PTPRG: variants seen among roughly 807,000 people sequenced by gnomAD.
The protein encoded by PTPRG is protein tyrosine phosphatase receptor type G.
In PTPRG, 102 loss-of-function variants were observed where a neutral mutation model predicts 165.3. That is an observed-to-expected ratio of 0.62 (90% CI 0.53 to 0.73). The LOEUF (loss-of-function observed/expected upper bound fraction) is 0.73, where lower values mean the gene tolerates loss of function less well. Ranked by LOEUF, PTPRG falls within the 30% of genes least tolerant of loss-of-function variation. The pLI is 0.00. For missense variants in PTPRG, 1,866 were observed against 1,861.4 expected, an observed-to-expected ratio of 1.00 and a Z score of -0.05; for synonymous variants, 675 against 669.5, an observed-to-expected ratio of 1.01 and a Z score of -0.13.
chr3:62,150,464 T>C (rs1300195155), intron 6 of PTPRG, among the ~76,000 whole-genome samples: 4 of 152,214 alleles, frequency 2.6e-5, no homozygotes, highest in Admixed American at 6.5e-5. Flanking sequence ...TGGATCAGAA[T>C]CTGCATTTTA....
chr3:61,968,623 A>T (rs1045399168), intron 2 of PTPRG, among the ~76,000 whole-genome samples: 1 of 152,136 alleles, frequency 6.6e-6, no homozygotes, highest in East Asian at 1.9e-4. Flanking sequence ...CTTTTTATAG[A>T]TCTATTTGAT....
chr3:62,018,350 G>A (rs891077167), intron 4 of PTPRG, among the ~76,000 whole-genome samples: 2 of 152,168 alleles, frequency 1.3e-5, no homozygotes, highest in Non-Finnish European at 1.5e-5. Flanking sequence ...ATAAAAAGCC[G>A]TGCATCTTTA....
intron 5 of PTPRG, among the ~76,000 whole-genome samples, chr3:62,131,608 CAA>C (rs1240621217): frequency 6.6e-6 from 1 of 152,144 alleles, no homozygotes; most frequent in African/African-American, 2.4e-5. Flanking sequence ...TAAATACTAT[CAA>C]TGGGGGATGG....
At chr3:61,714,305 G>T (rs1343750529) in intron 1 of PTPRG, among the ~76,000 whole-genome samples, 2 of 152,104 alleles carry the variant, frequency 1.3e-5, no homozygotes, top group Non-Finnish European at 2.9e-5. Context: ...GAGGAATAAA[G>T]ACCAGCCTTC....
intron 4 of PTPRG, among the ~76,000 whole-genome samples, chr3:62,039,910 C>T (rs1700071542): frequency 6.6e-6 from 1 of 152,264 alleles, no homozygotes; most frequent in Non-Finnish European, 1.5e-5. Context: ...CTCCAAGTGA[C>T]TCTCTGTTAA....
chr3:61,829,878 G>A (rs866792702), intron 2 of PTPRG, among the ~76,000 whole-genome samples: 1 of 152,198 alleles, frequency 6.6e-6, no homozygotes, highest in South Asian at 2.1e-4. Context: ...TTTGGAGGAA[G>A]AGGTTGTCTT....
intron 2 of PTPRG, among the ~76,000 whole-genome samples, chr3:61,987,932 G>T (rs936559401): frequency 1.3e-5 from 2 of 152,062 alleles, no homozygotes; most frequent in Non-Finnish European, 2.9e-5. Flanking sequence ...TATGGCAAAT[G>T]CATACTATCC....
intron 6 of PTPRG, among the ~76,000 whole-genome samples, chr3:62,154,479 GC>G (rs1435677255): frequency 6.6e-6 from 1 of 152,178 alleles, no homozygotes; most frequent in Non-Finnish European, 1.5e-5. Context: ...TTTCCATCAT[GC>G]CTGCTTAATC....
At chr3:62,030,389 G>A (rs1014784988) in intron 4 of PTPRG, among the ~76,000 whole-genome samples, 1 of 152,086 alleles carries the variant, frequency 6.6e-6, no homozygotes. Flanking sequence ...AACTTTTAGA[G>A]GTAGGGAGGA....
At chr3:62,145,223 G>C (rs190922778) in intron 6 of PTPRG, among the ~76,000 whole-genome samples, 72 of 152,264 alleles carry the variant, frequency 4.7e-4, no homozygotes, top group African/African-American at 1.7e-3. Flanking sequence ...CCTCTTTGTG[G>C]CTCAGTTTTC....
chr3:62,126,261 G>T (rs954940004), intron 5 of PTPRG, among the ~76,000 whole-genome samples: 70 of 152,328 alleles, frequency 4.6e-4, no homozygotes, highest in African/African-American at 1.6e-3. Context: ...CAGGAGGCCA[G>T]AGAATGGTCA....
Position 61,607,286 on chromosome 3 carries a change from A to C in PTPRG, c.85+44914A>C, listed in dbSNP as rs565954491. ...ACAGAGCAGTCCCTGTTAGGTTTTC[A>C]TTTTGGTGTGAATCCTCTGTCTCCT... On this transcript the variant is annotated intron_variant, in intron 1 of 29. Coordinates refer to ENST00000474889, the MANE Select transcript of PTPRG (RefSeq NM_002841.4). 3.3e-4 allele frequency among the ~76,000 whole-genome samples: 51 copies of C among 152,292 alleles called. No individual in the cohort carries two copies. The South Asian group carries it at 0.011, about 32-fold the overall frequency.
intron 1 of PTPRG, among the ~76,000 whole-genome samples, chr3:61,592,962 A>G (rs1326932173): frequency 2.0e-5 from 3 of 152,048 alleles, no homozygotes; most frequent in African/African-American, 7.2e-5. Context: ...CAAAAACAAT[A>G]TAGGTGCTGA....
At chr3:61,818,204 G>A (rs2035845345) in intron 2 of PTPRG, among the ~76,000 whole-genome samples, 2 of 152,070 alleles carry the variant, frequency 1.3e-5, no homozygotes, top group African/African-American at 4.8e-5. Flanking sequence ...TCCAAAAAAA[G>A]GAAATACGGA....
At chr3:62,078,623 G>A (rs1236386683) in intron 5 of PTPRG, among the ~76,000 whole-genome samples, 1 of 152,044 alleles carries the variant, frequency 6.6e-6, no homozygotes, top group African/African-American at 2.4e-5. Flanking sequence ...GACATTACTT[G>A]CAAGTAAGTT....
intron 2 of PTPRG, among the ~76,000 whole-genome samples, chr3:61,905,811 T>G (rs922278663): frequency 3.9e-5 from 6 of 152,236 alleles, no homozygotes; most frequent in Non-Finnish European, 8.8e-5. Flanking sequence ...GGGCCAAAGC[T>G]TCTTCACCCT....
At position 62,293,058 on chromosome 3, in the gene PTPRG, C is replaced by A. The variant is rs1412786200; in HGVS notation, c.4192-103C>A. 2.1e-5 allele frequency: 21 copies of A among 990,408 alleles called. No individual in the cohort carries two copies. In the South Asian group the frequency reaches 4.5e-4, roughly 21 times the overall value. The allele number at this position is 990,408 out of a possible 1,614,324, so 61.4% of individuals were successfully genotyped here. On this transcript the variant is annotated intron_variant, in intron 29 of 29. Coordinates refer to ENST00000474889, the MANE Select transcript of PTPRG (RefSeq NM_002841.4). ...GATAACATTTATGCTATTGCTGTTT[C>A]TCTAGTGTGTTTTTCACAATTACCA...
At chr3:61,806,445 A>G (rs1427178100) in intron 2 of PTPRG, among the ~76,000 whole-genome samples, 1 of 152,222 alleles carries the variant, frequency 6.6e-6, no homozygotes, top group African/African-American at 2.4e-5. Flanking sequence ...GGTTCTGAAT[A>G]CACATGCCCT....
At chr3:61,995,154 T>A (rs2040997547) in intron 3 of PTPRG, among the ~76,000 whole-genome samples, 1 of 140,592 alleles carries the variant, frequency 7.1e-6, no homozygotes, top group African/African-American at 2.7e-5. Context: ...AATGTCACCA[T>A]CTTGGTTCAC....
Sources: gnomAD v4.1 joint callset for allele counts (sites outside exome capture counted in the v4.1 genomes callset) on GRCh38, gnomAD v4.1.1 for gene constraint, MANE v1.5 for transcripts, NCBI Gene and HGNC (gene_info 2026-07-23, HGNC 2026-07-21) for gene names.